The following MRO variants were observed in gnomAD, a reference collection of about 807,000 sequenced individuals.
MRO encodes maestro, also known as protein maestro.
In MRO, 28 loss-of-function variants were observed where a neutral mutation model predicts 31.0. The ratio of observed to expected loss-of-function variants is 0.90; its 90% CI spans 0.67 to 1.24. MRO has a LOEUF of 1.24. Among genes scored for constraint, MRO ranks in the 50% most tolerant of loss-of-function variants. The probability of loss-of-function intolerance (pLI) is 0.00; values close to 1 mark genes in which losing one functional copy is unlikely to be tolerated. For synonymous variants in MRO, 108 were observed against 108.4 expected (o/e 1.00, Z 0.02); for missense variants, 332 against 289.2 (o/e 1.15, Z -1.07).
At chr18:50,809,031 G>A (rs941444428) in intron 3 of MRO, among the ~76,000 whole-genome samples, 3 of 150,752 alleles carry the variant, frequency 2.0e-5, no homozygotes, top group Admixed American at 6.6e-5. Flanking sequence ...CCAGCTACTC[G>A]GGAGGCTGAG....
Position 50,803,881 on chromosome 18 carries a change from G to A in MRO, c.429+1273C>T, listed in dbSNP as rs549191330. On this transcript the variant is annotated intron_variant, in intron 5 of 7. Coordinates refer to ENST00000398439, the MANE Select transcript of MRO (RefSeq NM_031939.6). ...TAAACGGTCTGTTCGCTGTTCTGTA[G>A]GTCTTGTCTTTCAGGGACAGAATAA... Among the ~76,000 whole-genome samples, 3 of 152,336 alleles carry A rather than the reference G, an allele frequency of 2.0e-5. No homozygotes were observed. In the South Asian group the frequency reaches 6.2e-4, roughly 32 times the overall value.
upstream of MRO, among the ~76,000 whole-genome samples, chr18:50,822,058 G>C (rs1915323125): frequency 6.6e-6 from 1 of 152,136 alleles, no homozygotes; most frequent in Admixed American, 6.5e-5. Context: ...TAATTTGATT[G>C]CAACATATTT....
At chr18:50,814,023 A>G (rs1599035081) in intron 2 of MRO, among the ~76,000 whole-genome samples, 1 of 152,220 alleles carries the variant, frequency 6.6e-6, no homozygotes, top group Non-Finnish European at 1.5e-5. Context: ...ACATAGAGTC[A>G]AAAAACATGC....
At chr18:50,809,142 C>CA (rs1914216850) in intron 3 of MRO, among the ~76,000 whole-genome samples, 160 bp downstream of exon 3, 1 of 66,446 alleles carries the variant, frequency 1.5e-5, no homozygotes, top group East Asian at 4.4e-4. Context: ...GAGACTCCGT[C>CA]TCAAAAAAAA....
chr18:50,820,010 C>T lies in MRO; in HGVS notation c.-240G>A, dbSNP rs1355697261. The stretch of plus-strand genomic sequence containing the variant: ...CTTTCTGCAGAAATTCTGCAGATGG[C>T]AATTCTGGGGACCTTTCCTCTGCAC... On this transcript the variant is annotated 5_prime_UTR_variant, in exon 1 of 8. Coordinates refer to ENST00000398439, the MANE Select transcript of MRO (RefSeq NM_031939.6). The T allele has an allele frequency of 2.0e-6, 3 of 1,499,614 alleles. No individual in the cohort carries two copies. The highest frequency in any genetic ancestry group is 2.5e-5 in the East Asian group (1 of 40,668). The allele number at this position is 1,499,614 out of a possible 1,614,324, so 92.9% of individuals were successfully genotyped here. A position where few individuals can be genotyped will look rare whatever the true frequency, so the allele number is the denominator to read the frequency against.
chr18:50,796,829 T>C lies in MRO; in HGVS notation c.*2508A>G, dbSNP rs2144559088. 6.6e-6 allele frequency: 1 copy of C among 152,326 alleles called. No individual in the cohort carries two copies. The highest frequency in any genetic ancestry group is 2.1e-4 in the South Asian group (1 of 4,830). 9.4% of individuals were successfully genotyped at this position (152,326 alleles called of 1,614,324 possible). A position where few individuals can be genotyped will look rare whatever the true frequency, so the allele number is the denominator to read the frequency against. ...GAATCATTTAGTCATTCAGCAAATG[T>C]TCCTTAATCACATGGCCAGGCTCTG... On this transcript the variant is annotated 3_prime_UTR_variant, in exon 8 of 8. Coordinates refer to ENST00000398439, the MANE Select transcript of MRO (RefSeq NM_031939.6).
chr18:50,805,749 A>G (rs542039963), intron 4 of MRO, among the ~76,000 whole-genome samples: 1 of 152,190 alleles, frequency 6.6e-6, no homozygotes, highest in East Asian at 1.9e-4. Context: ...TTACTAGAAA[A>G]AAAAATCACT....
chr18:50,806,663 G>A (rs762035275), intron 4 of MRO, 41 bp downstream of exon 4: 1 of 1,612,124 alleles, frequency 6.2e-7, no homozygotes, highest in Non-Finnish European at 8.5e-7. Context: ...GGTGGTTGGA[G>A]AGGCTTGGGG....
intron 5 of MRO, among the ~76,000 whole-genome samples, chr18:50,802,746 GACA>G (rs1276847048): frequency 4.0e-5 from 6 of 151,856 alleles, no homozygotes; most frequent in African/African-American, 1.2e-4. Context: ...TTGTTTTAGA[GACA>G]ACATCTTGCT....
Position 50,799,405 on chromosome 18 carries a change from C to A in MRO, c.694-15G>T, listed in dbSNP as rs1913072627. 6.2e-7 allele frequency: 1 copy of A among 1,612,960 alleles called. No individual in the cohort carries two copies. Among genetic ancestry groups the A allele is most frequent in the African/African-American group, 1.3e-5 (1 of 74,884 alleles). ...TGATAGTGGCTCTGAAAGAAATTAGCAAAGGTACGCGTGAGGGCAGGATTC... is the reference window on the plus strand; with the variant it reads ...TGATAGTGGCTCTGAAAGAAATTAGAAAAGGTACGCGTGAGGGCAGGATTC... On this transcript the variant is annotated splice_polypyrimidine_tract_variant and intron_variant, in intron 7 of 7. Coordinates refer to ENST00000398439, the MANE Select transcript of MRO (RefSeq NM_031939.6).
At chr18:50,806,671 G>A (rs766769580) in intron 4 of MRO, 33 bp downstream of exon 4, 1 of 1,613,462 alleles carries the variant, frequency 6.2e-7, no homozygotes, top group Admixed American at 1.7e-5. Context: ...GAGAGGCTTG[G>A]GGAGCTGGCT....
intron 2 of MRO, 117 bp from the exon 3 acceptor site, chr18:50,809,521 G>A: frequency 1.6e-6 from 1 of 624,562 alleles, no homozygotes; most frequent in Non-Finnish European, 2.7e-6. Flanking sequence ...CCTGAGGCCT[G>A]TCTTTAGGAA....
intron 4 of MRO, among the ~76,000 whole-genome samples, chr18:50,806,304 C>T (rs1391637160): frequency 1.3e-5 from 2 of 152,158 alleles, no homozygotes; most frequent in Admixed American, 1.3e-4. Context: ...AGTGAGCTGC[C>T]TGCTGTGACA....
At chr18:50,813,144 C>A (rs1300634109) in intron 2 of MRO, among the ~76,000 whole-genome samples, 1 of 152,174 alleles carries the variant, frequency 6.6e-6, no homozygotes, top group Non-Finnish European at 1.5e-5. Flanking sequence ...GCCATCCTTG[C>A]TCCCTGGGTG....
At chr18:50,819,343 G>T in intron 2 of MRO, 1 of 743,966 alleles carries the variant, frequency 1.3e-6, no homozygotes, top group Non-Finnish European at 1.6e-6. Context: ...ACAATAGAAT[G>T]ATCTATAACC....
chr18:50,815,428 G>A (rs1403818511), intron 2 of MRO: 2 of 249,976 alleles, frequency 8.0e-6, no homozygotes, highest in Admixed American at 8.6e-5. Flanking sequence ...TGGATTTGGA[G>A]GTGATGGTAG....
intron 6 of MRO, among the ~76,000 whole-genome samples, chr18:50,801,096 A>T (rs1258981034): frequency 6.6e-6 from 1 of 152,014 alleles, no homozygotes; most frequent in African/African-American, 2.4e-5. Context: ...TCTGCCCTCA[A>T]CCCCATTACC....
upstream of MRO, among the ~76,000 whole-genome samples, chr18:50,824,822 C>T (rs1010887955): frequency 2.0e-5 from 3 of 150,324 alleles, no homozygotes; most frequent in African/African-American, 7.3e-5. Context: ...CGCCTATAAT[C>T]CCCACACTTT....
intron 2 of MRO, among the ~76,000 whole-genome samples, chr18:50,812,736 G>A (rs1486270622): frequency 1.3e-5 from 2 of 152,242 alleles, no homozygotes; most frequent in Middle Eastern, 3.4e-3. Flanking sequence ...TGACTTGTAT[G>A]TGTTTTGTGT....
Sources: gnomAD v4.1 joint callset for allele counts (sites outside exome capture counted in the v4.1 genomes callset) on GRCh38, gnomAD v4.1.1 for gene constraint, MANE v1.5 for transcripts, NCBI Gene and HGNC (gene_info 2026-07-23, HGNC 2026-07-21) for gene names.